The following DYSF variants were observed in gnomAD, a reference collection of about 807,000 sequenced individuals.
DYSF encodes dysferlin.
A neutral mutation model predicts 274.9 loss-of-function variants in DYSF; 212 were observed. The ratio of observed to expected loss-of-function variants is 0.77; its 90% confidence interval spans 0.69 to 0.86. The LOEUF is 0.86. Ranked by LOEUF, DYSF falls within the 40% of genes least tolerant of loss-of-function variation. The pLI, the probability that DYSF is intolerant of heterozygous loss-of-function variation, is 0.00. For synonymous variants in DYSF, 1,091 were observed against 1,078.7 expected, an observed-to-expected ratio of 1.01 and a Z score of -0.22; for missense variants, 2,666 against 2,783.2, an observed-to-expected ratio of 0.96 and a Z score of 0.95.
At chr2:71,466,205 C>T (rs1161593480), upstream of DYSF, among the ~76,000 whole-genome samples, 3 of 152,158 alleles carry the variant, frequency 2.0e-5, no homozygotes, top group Non-Finnish European at 2.9e-5. Context: ...AGGCGAGAGG[C>T]AATGAGGCGG....
intron 41 of DYSF, among the ~76,000 whole-genome samples, chr2:71,625,543 G>A (rs1244279807): frequency 6.6e-6 from 1 of 151,988 alleles, no homozygotes. Context: ...CTTTCTCTGG[G>A]CTATTTTAGT....
intron 3 of DYSF, among the ~76,000 whole-genome samples, chr2:71,488,186 A>C (rs2083509855): frequency 6.6e-6 from 1 of 152,234 alleles, no homozygotes; most frequent in Non-Finnish European, 1.5e-5. Context: ...CAATGAAAAG[A>C]ATTTTGGTAA....
intron 44 of DYSF, among the ~76,000 whole-genome samples, 197 bp from the exon 45 acceptor site, chr2:71,660,363 C>G (rs974601174): frequency 2.6e-5 from 4 of 152,214 alleles, no homozygotes; most frequent in Non-Finnish European, 5.9e-5. Flanking sequence ...CGGCTGGAGC[C>G]AAGACCAGAA....
chr2:71,560,481 T>G (rs1269430396), intron 22 of DYSF, among the ~76,000 whole-genome samples: 2 of 105,816 alleles, frequency 1.9e-5, no homozygotes, highest in African/African-American at 4.1e-5. Flanking sequence ...GGGCAGCCCA[T>G]CCGCGGCACC....
intron 26 of DYSF, among the ~76,000 whole-genome samples, chr2:71,569,475 A>G (rs759518982): frequency 3.3e-5 from 5 of 152,236 alleles, no homozygotes; most frequent in Non-Finnish European, 7.3e-5. Context: ...CATATTATAC[A>G]GTCAAGCACT....
chr2:71,569,887 C>T lies in DYSF; in HGVS notation c.2932C>T (p.Leu978Phe), dbSNP rs1369393165. Residue 978 changes from leucine to phenylalanine, a missense_variant, in exon 27 of 56, where the codon CTT (leucine) becomes TTT (phenylalanine). Coordinates refer to ENST00000410020, the MANE Select transcript of DYSF (RefSeq NM_001130987.2). Reference sequence around the variant, plus strand: ...AGAGGTGTTTGAGAACCAGACCCGGCTTCCCGGAGGCCAGTGGATCTACAT... The same window carrying T: ...AGAGGTGTTTGAGAACCAGACCCGGTTTCCCGGAGGCCAGTGGATCTACAT... Reference protein sequence around the residue: ...VEEVFENQTRLPGGQWIYMSD... With the variant: ...VEEVFENQTRFPGGQWIYMSD... The T allele has an allele frequency of 1.2e-6, 2 of 1,614,054 alleles. No homozygotes were observed. The highest frequency in any genetic ancestry group is 2.7e-5 in the African/African-American group (2 of 74,936).
chr2:71,579,242 CT>C (rs1236198270), intron 30 of DYSF, among the ~76,000 whole-genome samples: 1 of 152,104 alleles, frequency 6.6e-6, no homozygotes, highest in East Asian at 1.9e-4. Context: ...TGGGCCTGCC[CT>C]CCATGATCGA....
At chr2:71,461,745 C>T (rs370891733), upstream of DYSF, among the ~76,000 whole-genome samples, 1 of 152,186 alleles carries the variant, frequency 6.6e-6, no homozygotes, top group East Asian at 1.9e-4. Context: ...GGTGGAGTCA[C>T]TTGGATGCTG....
At chr2:71,462,222 C>T (rs72896806), upstream of DYSF, among the ~76,000 whole-genome samples, 4,044 of 152,300 alleles carry the variant, frequency 0.027, 157 homozygotes, top group African/African-American at 0.089. Context: ...CCAGCCACTG[C>T]GCACAGCCAG....
At chr2:71,669,336 G>T (rs1241134170) in intron 50 of DYSF, 129 bp downstream of exon 50, 2 of 932,538 alleles carry the variant, frequency 2.1e-6, no homozygotes, top group Non-Finnish European at 3.4e-6. Context: ...GAGGGCTCCT[G>T]GGGGTGGTCC....
chr2:71,555,063 G>GCATGGCA (rs1367238692), intron 21 of DYSF, among the ~76,000 whole-genome samples: 1 of 141,108 alleles, frequency 7.1e-6, no homozygotes, highest in Non-Finnish European at 1.6e-5. Context: ...GGGGAGGTGA[G>GCATGGCA]CATGGCTTGA....
intron 41 of DYSF, among the ~76,000 whole-genome samples, chr2:71,640,098 G>A (rs1262086535): frequency 6.6e-6 from 1 of 152,196 alleles, no homozygotes; most frequent in Non-Finnish European, 1.5e-5. Flanking sequence ...GAGCGTGGCA[G>A]GATTTGAACA....
At chr2:71,633,911 C>T (rs1390973404) in intron 41 of DYSF, among the ~76,000 whole-genome samples, 1 of 152,142 alleles carries the variant, frequency 6.6e-6, no homozygotes, top group Non-Finnish European at 1.5e-5. Context: ...CACCCGTATT[C>T]ATGAAATGTG....
At position 71,507,461 on chromosome 2, in the gene DYSF, T is replaced by C. The variant is rs187608634; in HGVS notation, c.345+4142T>C. On this transcript the variant is annotated intron_variant, in intron 4 of 55. Transcript: ENST00000410020. ...TTTCTAACATACTCTCTTCTTTATG[T>C]ATTTATTTTGTTTATTATTTATTGT... Among the ~76,000 whole-genome samples the C allele has an allele frequency of 1.3e-5, 2 of 152,354 alleles. 1 individual carries two copies. Among genetic ancestry groups the C allele is most frequent in the East Asian group, 3.9e-4 (2 of 5,188 alleles).
chr2:71,455,745 T>C (rs566188513), intron 1 of DYSF, among the ~76,000 whole-genome samples: 5 of 152,116 alleles, frequency 3.3e-5, no homozygotes, highest in African/African-American at 1.2e-4. Context: ...CCCCTGAACC[T>C]GGGGGCTGGT....
Position 71,611,530 on chromosome 2 carries a change from C to T in DYSF, c.4125C>T (p.Leu1375=), listed in dbSNP as rs773240314. The change falls in exon 38 of 56, where the codon CTC becomes CTT. Residue 1375 remains leucine (L), a synonymous_variant. Coordinates refer to ENST00000410020, the MANE Select transcript of DYSF (RefSeq NM_001130987.2). ...YQLANISSPS[L]VVECGGQTVQ... is the part of the protein sequence containing the mutation. The stretch of plus-strand genomic sequence containing the variant: ...TGGCCAACATCTCCTCCCCCAGCCT[C>T]GTGGTAGAGTGTGGGGGCCAGACGG... 1.1e-4 allele frequency: 174 copies of T among 1,613,708 alleles called. No individual in the cohort carries two copies. Among genetic ancestry groups the T allele is most frequent in the Middle Eastern group, 3.3e-4 (2 of 6,084 alleles).
intron 40 of DYSF, among the ~76,000 whole-genome samples, chr2:71,614,731 T>C (rs2093845003): frequency 6.6e-6 from 1 of 152,120 alleles, no homozygotes; most frequent in Non-Finnish European, 1.5e-5. Flanking sequence ...AGCGGAGGTG[T>C]TAATGAAAGT....
At chr2:71,613,132 G>T (rs2093804466) in intron 39 of DYSF, among the ~76,000 whole-genome samples, 2 of 152,156 alleles carry the variant, frequency 1.3e-5, no homozygotes, top group African/African-American at 2.4e-5. Flanking sequence ...ACAGAAGTGG[G>T]AGACAGAGCA....
In DYSF at chr2:71,513,757, G is replaced by A. The variant is rs2086351060; in HGVS notation, c.595G>A (p.Gly199Arg). The A allele has an allele frequency of 1.2e-6, 2 of 1,614,188 alleles. No individual in the cohort carries two copies. Among genetic ancestry groups the A allele is most frequent in the Non-Finnish European group, 1.7e-6 (2 of 1,180,012 alleles). ...EEDTEDQGLT[G>R]DEAEPFLDQS... Reference sequence around the variant, plus strand: ...AGACACAGAGGACCAGGGACTCACTGGAGATGAGGCGGAGCCATTCCTGGA... The same window carrying A: ...AGACACAGAGGACCAGGGACTCACTAGAGATGAGGCGGAGCCATTCCTGGA... Residue 199 changes from glycine (G) to arginine (R), a missense_variant, in exon 7 of 56, where the codon GGA (glycine) becomes AGA (arginine). Gly to Arg is a moderately radical substitution (Grantham distance 125). This residue lies in a region of DYSF where 794 missense variants were observed against 777.1 expected (regional missense o/e 1.02). Transcript: ENST00000410020.
Sources: gnomAD v4.1 joint callset for allele counts (sites outside exome capture counted in the v4.1 genomes callset) on GRCh38, gnomAD v4.1.1 for gene constraint, gnomAD v4.1.1 regional missense constraint, MANE v1.5 for transcripts, NCBI Gene and HGNC (gene_info 2026-07-23, HGNC 2026-07-21) for gene names.